PCSK2: variants seen among roughly 807,000 people sequenced by gnomAD.
The protein encoded by PCSK2 is neuroendocrine convertase 2.
Under a neutral mutation model 69.7 loss-of-function variants are expected in PCSK2, and 14 were observed. The observed-to-expected ratio is 0.20, with a 90% confidence interval of 0.13 to 0.31. PCSK2 has a LOEUF of 0.31. Ranked by LOEUF, PCSK2 falls within the 10% of genes least tolerant of loss-of-function variation. The pLI is 1.00. For synonymous variants in PCSK2, 307 were observed against 320.7 expected, an observed-to-expected ratio of 0.96 and a Z score of 0.46; for missense variants, 544 against 842.5, an observed-to-expected ratio of 0.65 and a Z score of 4.39.
At chr20:17,437,228 T>G (rs577410643) in intron 8 of PCSK2, among the ~76,000 whole-genome samples, 2 of 152,234 alleles carry the variant, frequency 1.3e-5, no homozygotes, top group South Asian at 4.2e-4. Flanking sequence ...CACCACCCAC[T>G]CAGTCGTTGG....
intron 2 of PCSK2, among the ~76,000 whole-genome samples, chr20:17,354,760 G>C (rs1304855541): frequency 6.6e-6 from 1 of 151,966 alleles, no homozygotes. Flanking sequence ...TCTTATGGTA[G>C]GATACTCAGT....
intron 4 of PCSK2, among the ~76,000 whole-genome samples, chr20:17,367,369 G>T (rs1305339196): frequency 6.6e-6 from 1 of 152,182 alleles, no homozygotes; most frequent in Admixed American, 6.5e-5. Context: ...TCAATGAATT[G>T]TCTCTAATCT....
At chr20:17,235,079 T>G (rs1986288380) in intron 1 of PCSK2, among the ~76,000 whole-genome samples, 1 of 152,192 alleles carries the variant, frequency 6.6e-6, no homozygotes, top group South Asian at 2.1e-4. Flanking sequence ...AGTTGTGTAT[T>G]AATGGATGGT....
At chr20:17,463,519 T>TA (rs2033047513) in intron 10 of PCSK2, 1 of 152,062 alleles carries the variant, frequency 6.6e-6, no homozygotes, top group Admixed American at 6.6e-5. Context: ...TTTTTTTTTT[T>TA]AATTATACTT....
At chr20:17,254,917 C>T (rs565538709) in intron 1 of PCSK2, among the ~76,000 whole-genome samples, 6 of 152,212 alleles carry the variant, frequency 3.9e-5, no homozygotes, top group African/African-American at 1.4e-4. Context: ...CAGTATTTTA[C>T]TTATTTGATA....
At chr20:17,460,251 GAGAA>G (rs951603798) in intron 10 of PCSK2, among the ~76,000 whole-genome samples, 65 of 151,748 alleles carry the variant, frequency 4.3e-4, no homozygotes, top group African/African-American at 1.2e-3. Context: ...GAAGGAGAGA[GAGAA>G]AGAAAGAGAA....
chr20:17,344,857 C>A (rs867316398), intron 2 of PCSK2, among the ~76,000 whole-genome samples: 1 of 152,184 alleles, frequency 6.6e-6, no homozygotes, highest in Non-Finnish European at 1.5e-5. Context: ...AGCCCTGGAT[C>A]CTTTGCTGTT....
chr20:17,444,891 C>A (rs1247260651), intron 8 of PCSK2, among the ~76,000 whole-genome samples: 1 of 152,202 alleles, frequency 6.6e-6, no homozygotes, highest in Non-Finnish European at 1.5e-5. Context: ...CTTGTAAATG[C>A]CCCAGTGCTT....
chr20:17,254,166 T>C (rs1987094309), intron 1 of PCSK2, among the ~76,000 whole-genome samples: 1 of 152,236 alleles, frequency 6.6e-6, no homozygotes. Flanking sequence ...GGTTGTCTTT[T>C]CGTTTCCTTC....
At chr20:17,233,637 G>A (rs1226073322) in intron 1 of PCSK2, among the ~76,000 whole-genome samples, 1 of 152,126 alleles carries the variant, frequency 6.6e-6, no homozygotes, top group Non-Finnish European at 1.5e-5. Context: ...CCATGAGAAA[G>A]CCCATTCAGG....
intron 2 of PCSK2, among the ~76,000 whole-genome samples, chr20:17,319,370 T>G (rs894877150): frequency 6.6e-5 from 10 of 152,126 alleles, no homozygotes; most frequent in African/African-American, 2.4e-4. Flanking sequence ...GCAGAGGCAA[T>G]CAGCTGATGG....
At chr20:17,384,141 C>T (rs1217372302) in intron 5 of PCSK2, among the ~76,000 whole-genome samples, 1 of 151,932 alleles carries the variant, frequency 6.6e-6, no homozygotes, top group East Asian at 1.9e-4. Context: ...AACACAATAC[C>T]CTCAGTGCTA....
At position 17,436,719 on chromosome 20, in the gene PCSK2, C is replaced by G; in HGVS notation, c.721C>G (p.Leu241Val). 6.2e-7 allele frequency: 1 copy of G among 1,612,494 alleles called. No homozygotes were observed. The highest frequency in any genetic ancestry group is 8.5e-7 in the Non-Finnish European group (1 of 1,179,306). The change falls in exon 8 of 12, where the codon CTG becomes GTG. Residue 241 changes from leucine (L) to valine (V), a missense_variant. Around this residue, in one of 3 missense-constraint regions of PCSK2, gnomAD observed 187 missense variants for 399.8 expected, o/e 0.47. Transcript: ENST00000262545. ...CAACGTGTCCACAGGCATCCGGATGCTGGACCAGCCATTCATGACAGACAT... is the reference window on the plus strand; with the variant it reads ...CAACGTGTCCACAGGCATCCGGATGGTGGACCAGCCATTCATGACAGACAT... The part of the protein sequence containing the change: ...YNSKVAGIRM[L>V]DQPFMTDIIE...
chr20:17,228,952 C>T (rs1986040502), intron 1 of PCSK2, among the ~76,000 whole-genome samples: 1 of 152,150 alleles, frequency 6.6e-6, no homozygotes, highest in African/African-American at 2.4e-5. Flanking sequence ...GAGCACCCCG[C>T]TGTGGTTTTG....
chr20:17,369,464 A>G (rs149199202), intron 5 of PCSK2, among the ~76,000 whole-genome samples, 187 bp downstream of exon 5: 2 of 152,252 alleles, frequency 1.3e-5, no homozygotes, highest in East Asian at 3.9e-4. Flanking sequence ...AGGAACACAC[A>G]CAAACAGGAA....
At chr20:17,230,812 C>A (rs2122928010) in intron 1 of PCSK2, among the ~76,000 whole-genome samples, 1 of 152,230 alleles carries the variant, frequency 6.6e-6, no homozygotes, top group Non-Finnish European at 1.5e-5. Context: ...AGACCATGAA[C>A]AAACATTTGT....
chr20:17,262,880 A>G (rs936551820), intron 2 of PCSK2, among the ~76,000 whole-genome samples: 3 of 152,230 alleles, frequency 2.0e-5, no homozygotes, highest in Admixed American at 1.3e-4. Flanking sequence ...TTGTTTTAGC[A>G]TTCCCTGAAA....
intron 6 of PCSK2, among the ~76,000 whole-genome samples, chr20:17,414,693 G>A (rs2031957613): frequency 6.6e-6 from 1 of 152,170 alleles, no homozygotes; most frequent in Non-Finnish European, 1.5e-5. Context: ...TATGAGGCCA[G>A]CATCATCCTG....
At chr20:17,252,600 GAAGAGCGAGAATTTAAACCAAGGC>G (rs1473412932) in intron 1 of PCSK2, among the ~76,000 whole-genome samples, 15 of 152,318 alleles carry the variant, frequency 9.8e-5, no homozygotes, top group African/African-American at 3.6e-4. Context: ...CTGTTACGAG[GAAGAGCGAGAATTTAAACCAAGGC>G]AATCTGGCTT....
Sources: allele counts gnomAD v4.1 joint callset (sites outside exome capture counted in the v4.1 genomes callset), GRCh38; gene constraint gnomAD v4.1.1; regional missense constraint gnomAD v4.1.1; transcripts MANE v1.5; gene names NCBI Gene and HGNC (gene_info 2026-07-23, HGNC 2026-07-21).